LRBA: variants seen among roughly 807,000 people sequenced by gnomAD.
The protein encoded by LRBA is LPS responsive beige-like anchor protein, also known as lipopolysaccharide-responsive and beige-like anchor protein.
LRBA carries 176 observed loss-of-function variants against 330.0 expected under a neutral mutation model. The observed-to-expected ratio is 0.53, with a 90% CI of 0.47 to 0.60. The LOEUF (loss-of-function observed/expected upper bound fraction) is 0.60. Ranked by LOEUF, LRBA falls within the 20% of genes least tolerant of loss-of-function variation. LRBA has a pLI of 0.00. For synonymous variants in LRBA, 1,230 were observed against 1,193.0 expected, an observed-to-expected ratio of 1.03 and a Z score of -0.64; for missense variants, 3,259 against 3,444.8, an observed-to-expected ratio of 0.95 and a Z score of 1.35.
chr4:150,489,638 GAATATAT>G (rs1215952808), intron 41 of LRBA, among the ~76,000 whole-genome samples: 2 of 80,248 alleles, frequency 2.5e-5, no homozygotes, highest in African/African-American at 4.5e-5. Flanking sequence ...TAATATATAA[GAATATAT>G]AATATATAAT....
At chr4:150,569,983 T>C (rs946519671) in intron 40 of LRBA, among the ~76,000 whole-genome samples, 1 of 152,152 alleles carries the variant, frequency 6.6e-6, no homozygotes, top group Non-Finnish European at 1.5e-5. Flanking sequence ...TGTTTTGCAC[T>C]GTCACTTTCA....
rs546001600 is a variant in LRBA at position 150,815,233 on chromosome 4, G to A, written c.5305+1891C>T. On this transcript the variant is annotated intron_variant, in intron 31 of 56. Transcript: ENST00000651943. ...TAACTATTGCATTTTTCACAAAAGG[G>A]ACTACTCTAGAAAAACCACAGTTGA... Among the ~76,000 whole-genome samples the A allele has an allele frequency of 2.0e-5, 3 of 151,588 alleles. No individual in the cohort carries two copies. In the South Asian group the frequency reaches 6.3e-4, roughly 32 times the overall value.
chr4:150,447,411 T>G (rs992301505), intron 44 of LRBA, among the ~76,000 whole-genome samples: 3 of 152,236 alleles, frequency 2.0e-5, no homozygotes, highest in Non-Finnish European at 4.4e-5. Flanking sequence ...AAAGGAGGAA[T>G]TTGCCCTTTT....
intron 40 of LRBA, among the ~76,000 whole-genome samples, chr4:150,499,159 C>A (rs140893157): frequency 0.01 from 1,562 of 152,174 alleles, 14 homozygotes; most frequent in Middle Eastern, 0.017. Flanking sequence ...CACCTTTATG[C>A]CAACAATATT....
intron 56 of LRBA, among the ~76,000 whole-genome samples, chr4:150,272,301 G>C (rs1352503622): frequency 1.3e-5 from 2 of 152,106 alleles, no homozygotes; most frequent in African/African-American, 4.8e-5. Flanking sequence ...TCTAGACACA[G>C]AAAACCCATC....
intron 56 of LRBA, among the ~76,000 whole-genome samples, chr4:150,275,022 A>C (rs1232115086): frequency 2.6e-5 from 4 of 152,220 alleles, no homozygotes; most frequent in Non-Finnish European, 4.4e-5. Flanking sequence ...TCAATGCGAA[A>C]ATCCTCAATA....
At chr4:150,719,442 A>T in intron 36 of LRBA, among the ~76,000 whole-genome samples, 1 of 152,146 alleles carries the variant, frequency 6.6e-6, no homozygotes, top group Non-Finnish European at 1.5e-5. Context: ...CTGATATTGC[A>T]ATTACATATT....
intron 37 of LRBA, among the ~76,000 whole-genome samples, chr4:150,611,558 T>C (rs1229514576): frequency 6.6e-6 from 1 of 152,184 alleles, no homozygotes; most frequent in Non-Finnish European, 1.5e-5. Context: ...ATAAATTATA[T>C]GAAAACCTAT....
At chr4:150,654,236 GAGTGC>G (rs1171038213) in intron 37 of LRBA, among the ~76,000 whole-genome samples, 4 of 152,224 alleles carry the variant, frequency 2.6e-5, no homozygotes, top group Middle Eastern at 3.4e-3. Flanking sequence ...ACCCAGAATG[GAGTGC>G]AGTGGTGCAA....
intron 36 of LRBA, among the ~76,000 whole-genome samples, chr4:150,688,119 G>C (rs142135161): frequency 1.3e-3 from 199 of 152,126 alleles, no homozygotes; most frequent in African/African-American, 4.6e-3. Flanking sequence ...AAAACAAATG[G>C]AACAGAACAG....
intron 40 of LRBA, among the ~76,000 whole-genome samples, chr4:150,559,959 A>T (rs1384739564): frequency 2.1e-4 from 24 of 112,950 alleles, no homozygotes; most frequent in Admixed American, 6.9e-4. Context: ...TATATATATA[A>T]ATATATATAT....
At chr4:150,990,466 G>C (rs1741945986) in intron 2 of LRBA, among the ~76,000 whole-genome samples, 1 of 152,126 alleles carries the variant, frequency 6.6e-6, no homozygotes, top group East Asian at 1.9e-4. Flanking sequence ...CGTGACTCAT[G>C]CCTGTAATCC....
At chr4:150,536,203 T>A (rs368638719) in intron 40 of LRBA, among the ~76,000 whole-genome samples, 16 of 152,122 alleles carry the variant, frequency 1.1e-4, no homozygotes, top group African/African-American at 3.6e-4. Context: ...CAATGAGGAT[T>A]CCCAGATTAA....
At chr4:150,985,846 G>GA (rs145049396) in intron 2 of LRBA, among the ~76,000 whole-genome samples, 446 of 151,926 alleles carry the variant, frequency 2.9e-3, no homozygotes, top group Non-Finnish European at 4.6e-3. Context: ...TTGTTAGGAG[G>GA]AAAAAATAAA....
intron 39 of LRBA, among the ~76,000 whole-genome samples, chr4:150,588,853 G>A (rs2126443714): frequency 6.6e-6 from 1 of 152,196 alleles, no homozygotes; most frequent in East Asian, 1.9e-4. Flanking sequence ...TGGAGGGTGG[G>A]TTTCCAAGTG....
At chr4:150,308,293 T>C (rs1730615939) in intron 52 of LRBA, among the ~76,000 whole-genome samples, 1 of 152,154 alleles carries the variant, frequency 6.6e-6, no homozygotes, top group South Asian at 2.1e-4. Context: ...AGCTGAAAAA[T>C]TCCTGTCACC....
Position 150,828,627 on chromosome 4 carries a change from T to C in LRBA, c.4730-6A>G. 3 of 1,604,412 alleles carry C rather than the reference T, an allele frequency of 1.9e-6. No homozygotes were observed. Among genetic ancestry groups the C allele is most frequent in the Non-Finnish European group, 2.6e-6 (3 of 1,175,302 alleles). Reference sequence around the variant, plus strand: ...GAATGCTGCTGGTGTGATTTCTATATCATACCCAGAAACACAAGAAATAAA... The same window carrying C: ...GAATGCTGCTGGTGTGATTTCTATACCATACCCAGAAACACAAGAAATAAA... On this transcript the variant is annotated splice_polypyrimidine_tract_variant and splice_region_variant and intron_variant, in intron 29 of 56. Coordinates refer to ENST00000651943, the MANE Select transcript of LRBA (RefSeq NM_001364905.1).
At chr4:150,558,388 T>C (rs1258548235) in intron 40 of LRBA, among the ~76,000 whole-genome samples, 3 of 152,236 alleles carry the variant, frequency 2.0e-5, no homozygotes, top group Non-Finnish European at 2.9e-5. Context: ...CCTATTTACT[T>C]CATACTTTAG....
intron 40 of LRBA, among the ~76,000 whole-genome samples, chr4:150,527,384 C>G (rs990742645): frequency 1.3e-5 from 2 of 152,126 alleles, no homozygotes; most frequent in African/African-American, 4.8e-5. Context: ...TATACCTAAT[C>G]AAACTATCAA....
Sources: gnomAD v4.1 joint callset for allele counts (sites outside exome capture counted in the v4.1 genomes callset) on GRCh38, gnomAD v4.1.1 for gene constraint, MANE v1.5 for transcripts, NCBI Gene and HGNC (gene_info 2026-07-23, HGNC 2026-07-21) for gene names.